The following TRAFD1 variants were observed in gnomAD, a reference collection of about 807,000 sequenced individuals.
TRAFD1 encodes TRAF-type zinc finger domain containing 1, also known as TRAF-type zinc finger domain-containing protein 1.
Under a neutral mutation model 65.3 loss-of-function variants are expected in TRAFD1, and 38 were observed. The observed-to-expected ratio is 0.58, with a 90% CI of 0.45 to 0.76. The LOEUF (loss-of-function observed/expected upper bound fraction) is 0.76. Among genes scored for constraint, TRAFD1 ranks in the 30% least tolerant of loss-of-function variants. TRAFD1 has a pLI of 0.00. For missense variants in TRAFD1, 631 were observed against 712.6 expected (o/e 0.89, Z 1.30); for synonymous variants, 223 against 257.2 (o/e 0.87, Z 1.27).
intron 4 of TRAFD1, among the ~76,000 whole-genome samples, chr12:112,138,845 C>T (rs908331419): frequency 1.5e-5 from 2 of 137,770 alleles, no homozygotes; most frequent in South Asian, 2.3e-4. Context: ...GCAACAGAAG[C>T]GAACTCCGTC....
Position 112,145,582 on chromosome 12 carries a change from C to G in TRAFD1, c.851-4C>G, listed in dbSNP as rs747886087. The G allele has an allele frequency of 6.2e-7, 1 of 1,613,992 alleles. No homozygotes were observed. The highest frequency in any genetic ancestry group is 8.5e-7 in the Non-Finnish European group (1 of 1,179,962). ...TGAGTCTCATTGTGTGGCCTAATAC[C>G]TAGGTGCAGCTGACGAGATCATGTT... On this transcript the variant is annotated splice_polypyrimidine_tract_variant and splice_region_variant and intron_variant, in intron 6 of 11. Coordinates refer to ENST00000412615, the MANE Select transcript of TRAFD1 (RefSeq NM_006700.3).
At position 112,130,411 on chromosome 12, in the gene TRAFD1, G is replaced by C. The variant is rs533280974; in HGVS notation, c.-12-100G>C. Reference sequence around the variant, plus strand: ...AAAATGCTTTAACATGCAGGTTTGGGTGACAGTTTCTGTATACTAGTTTTT... The same window carrying C: ...AAAATGCTTTAACATGCAGGTTTGGCTGACAGTTTCTGTATACTAGTTTTT... On this transcript the variant is annotated intron_variant, in intron 1 of 11. Coordinates refer to ENST00000412615, the MANE Select transcript of TRAFD1 (RefSeq NM_006700.3). The surrounding 1 kb of genome is among the most constrained non-coding windows in gnomAD (Gnocchi z 4.4). 3 of 806,558 alleles carry C rather than the reference G, an allele frequency of 3.7e-6. No homozygotes were observed. Among genetic ancestry groups the C allele is most frequent in the Non-Finnish European group, 6.1e-6 (3 of 495,382 alleles). 50.0% of individuals were successfully genotyped at this position (806,558 alleles called of 1,614,324 possible).
At chr12:112,144,175 T>C (rs1215156692) in intron 6 of TRAFD1, among the ~76,000 whole-genome samples, 1 of 152,180 alleles carries the variant, frequency 6.6e-6, no homozygotes, top group Non-Finnish European at 1.5e-5. Flanking sequence ...GAACACCAAG[T>C]TTTCTAGCAT....
At chr12:112,127,307 C>T (rs2079543951) in intron 1 of TRAFD1, among the ~76,000 whole-genome samples, 1 of 152,204 alleles carries the variant, frequency 6.6e-6, no homozygotes, top group Admixed American at 6.5e-5. Context: ...ATTCCGCCCC[C>T]ATTTATTTGT....
Position 112,152,459 on chromosome 12 carries a change from T to C in TRAFD1, c.1652T>C (p.Val551Ala). ...GRSEGGRNSR[V>A]TPAAANYRSR... is the part of the protein sequence containing the mutation. ...AGTGAAGGTGGCAGGAATTCCCGGG[T>C]CACCCCTGCAGCTGCCAACTACCGC... The change falls in exon 11 of 12, where the codon GTC (valine) becomes GCC (alanine). Residue 551 changes from valine to alanine, a missense_variant. By Grantham distance (64) the Val-to-Ala change is moderately conservative. Coordinates refer to ENST00000412615, the MANE Select transcript of TRAFD1 (RefSeq NM_006700.3). This position sits in a 1 kb window ranked among gnomAD's most constrained non-coding sequence, Gnocchi z 5.0. 6.2e-7 allele frequency: 1 copy of C among 1,613,850 alleles called. No individual in the cohort carries two copies. Among genetic ancestry groups the C allele is most frequent in the Non-Finnish European group, 8.5e-7 (1 of 1,180,018 alleles).
At chr12:112,131,674 T>C (rs1027263546) in intron 2 of TRAFD1, among the ~76,000 whole-genome samples, 11 of 152,194 alleles carry the variant, frequency 7.2e-5, no homozygotes, top group African/African-American at 2.2e-4. Flanking sequence ...GGATACGGAA[T>C]TGTGTGCTCA....
chr12:112,141,250 C>T lies in TRAFD1; in HGVS notation c.643+26C>T, dbSNP rs767313607. Reference sequence around the variant, plus strand: ...GTGAGTTGTGCTTGGGATTAGGGAACTAGAATGGTATCAAAATCCCAAGGC... The same window carrying T: ...GTGAGTTGTGCTTGGGATTAGGGAATTAGAATGGTATCAAAATCCCAAGGC... On this transcript the variant is annotated intron_variant, in intron 5 of 11. Coordinates refer to ENST00000412615, the MANE Select transcript of TRAFD1 (RefSeq NM_006700.3). 8.1e-6 allele frequency: 13 copies of T among 1,603,546 alleles called. No individual in the cohort carries two copies. In the South Asian group the frequency reaches 1.4e-4, roughly 18 times the overall value.
In TRAFD1 at chr12:112,142,137, A is replaced by G; in HGVS notation, c.692A>G (p.Lys231Arg). 2 of 1,613,980 alleles carry G rather than the reference A, an allele frequency of 1.2e-6. No homozygotes were observed. The highest frequency in any genetic ancestry group is 1.7e-6 in the Non-Finnish European group (2 of 1,179,988). Residue 231 changes from lysine (K) to arginine (R), a missense_variant, in exon 6 of 12, where the codon AAA becomes AGA. Lys to Arg is a conservative substitution (Grantham distance 26). Transcript: ENST00000412615. ...AGGAATAGAGGCCAACAGCCCCCCAAAGAGGGTGGTGAAGAGAGTGCAAAC... is the reference window on the plus strand; with the variant it reads ...AGGAATAGAGGCCAACAGCCCCCCAGAGAGGGTGGTGAAGAGAGTGCAAAC... Reference protein sequence around the residue: ...QERNRGQQPPKEGGEESANLD... With the variant: ...QERNRGQQPPREGGEESANLD...
chr12:112,131,395 C>CT (rs1404032144), intron 2 of TRAFD1, among the ~76,000 whole-genome samples: 1 of 152,094 alleles, frequency 6.6e-6, no homozygotes, highest in African/African-American at 2.4e-5. Flanking sequence ...ATATAAATAA[C>CT]TATGCTAAGA....
chr12:112,146,987 GTTTTTTTTTT>G (rs547077120), intron 7 of TRAFD1, among the ~76,000 whole-genome samples: 4,121 of 52,282 alleles, frequency 0.079, 282 homozygotes, highest in East Asian at 0.54. Flanking sequence ...GGGAACTTCT[GTTTTTTTTTT>G]TTTTTTTTTT....
chr12:112,146,181 AAAG>A (rs202116782), intron 7 of TRAFD1, among the ~76,000 whole-genome samples: 56 of 150,572 alleles, frequency 3.7e-4, no homozygotes, highest in Middle Eastern at 3.5e-3. Flanking sequence ...ATAATAAAAA[AAAG>A]AAGAAGAAGA....
chr12:112,139,452 T>G (rs2030020740), intron 4 of TRAFD1, among the ~76,000 whole-genome samples: 1 of 152,006 alleles, frequency 6.6e-6, no homozygotes, highest in Admixed American at 6.6e-5. Context: ...TTTTTTGTTT[T>G]CCACTCTGTC....
intron 8 of TRAFD1, among the ~76,000 whole-genome samples, chr12:112,148,972 C>CT (rs2030328766): frequency 6.6e-6 from 1 of 152,166 alleles, no homozygotes; most frequent in African/African-American, 2.4e-5. Context: ...GATCCCAGCA[C>CT]TTTGGGAGGC....
chr12:112,152,929 G>A lies in TRAFD1; in HGVS notation c.*138G>A. 1.0e-6 allele frequency: 1 copy of A among 980,796 alleles called. No individual in the cohort carries two copies. The highest frequency in any genetic ancestry group is 1.5e-6 in the Non-Finnish European group (1 of 672,728). 60.8% of individuals were successfully genotyped at this position (980,796 alleles called of 1,614,324 possible). A position where few individuals can be genotyped will look rare whatever the true frequency, so the allele number is the denominator to read the frequency against. ...GATTTTTCTAGGTTATGGCCATTTT[G>A]TGTCTTTTGAGGTTGTGCTGTGGGG... On this transcript the variant is annotated 3_prime_UTR_variant, in exon 12 of 12. Coordinates refer to ENST00000412615, the MANE Select transcript of TRAFD1 (RefSeq NM_006700.3). This position sits in a 1 kb window ranked among gnomAD's most constrained non-coding sequence, Gnocchi z 5.0.
At chr12:112,144,140 A>T (rs944729795) in intron 6 of TRAFD1, among the ~76,000 whole-genome samples, 1 of 152,138 alleles carries the variant, frequency 6.6e-6, no homozygotes, top group Non-Finnish European at 1.5e-5. Context: ...TCTCCTGTTC[A>T]TGGAGGCTTG....
intron 1 of TRAFD1, among the ~76,000 whole-genome samples, chr12:112,126,659 CTTT>C (rs113787826): frequency 6.9e-6 from 1 of 145,556 alleles, no homozygotes; most frequent in African/African-American, 2.5e-5. Context: ...GAGTGAATAT[CTTT>C]TTTTTTTTTT....
Position 112,141,127 on chromosome 12 carries a change from G to T in TRAFD1, c.546G>T (p.Pro182=), listed in dbSNP as rs747403771. 87 of 1,614,076 alleles carry T rather than the reference G, an allele frequency of 5.4e-5. No homozygotes were observed. Among genetic ancestry groups the T allele is most frequent in the Admixed American group, 2.7e-4 (16 of 60,000 alleles). The part of the protein sequence containing the change: ...IEALDPPMRL[P]RRPLRAFESD... ...CTCTGGACCCACCCATGAGGCTGCC[G>T]CGAAGGCCCCTGAGAGCCTTTGAAT... The change falls in exon 5 of 12, where the codon CCG becomes CCT. Residue 182 remains proline, a synonymous_variant. Coordinates refer to ENST00000412615, the MANE Select transcript of TRAFD1 (RefSeq NM_006700.3).
Position 112,152,100 on chromosome 12 carries a change from C to T in TRAFD1, c.1579C>T (p.Pro527Ser), listed in dbSNP as rs2030426503. 2 of 1,613,752 alleles carry T rather than the reference C, an allele frequency of 1.2e-6. No individual in the cohort carries two copies. Among genetic ancestry groups the T allele is most frequent in the South Asian group, 2.2e-5 (2 of 91,088 alleles). Residue 527 changes from proline to serine, a missense_variant, in exon 10 of 12, where the codon CCC (proline) becomes TCC (serine). Transcript: ENST00000412615. This position sits in a 1 kb window ranked among gnomAD's most constrained non-coding sequence, Gnocchi z 5.0. ...PQNLYPENIV[P>S]SFSPGPSGRY... ...AAATCTCTACCCAGAAAACATTGTGCCCTCTTTCTCCCCTGGGCCTTCAGG... is the reference window on the plus strand; with the variant it reads ...AAATCTCTACCCAGAAAACATTGTGTCCTCTTTCTCCCCTGGGCCTTCAGG...
chr12:112,132,937 C>T (rs1338905865), intron 2 of TRAFD1, among the ~76,000 whole-genome samples: 3 of 152,042 alleles, frequency 2.0e-5, no homozygotes, highest in Admixed American at 2.0e-4. Flanking sequence ...TTTTATTTTT[C>T]TGAATTATTG....
Sources: allele counts gnomAD v4.1 joint callset (sites outside exome capture counted in the v4.1 genomes callset), GRCh38; gene constraint gnomAD v4.1.1; non-coding constraint Gnocchi (gnomAD v3.1); transcripts MANE v1.5; gene names NCBI Gene and HGNC (gene_info 2026-07-23, HGNC 2026-07-21).